Variants in PFKP observed in about 807,000 individuals in gnomAD.
PFKP encodes ATP-dependent 6-phosphofructokinase, platelet type.
Under a neutral mutation model 94.3 loss-of-function variants are expected in PFKP, and 101 were observed. The observed-to-expected ratio is 1.07, with a 90% confidence interval of 0.91 to 1.26. PFKP has a LOEUF of 1.26. Among genes scored for constraint, PFKP ranks in the 50% most tolerant of loss-of-function variants. PFKP has a pLI of 0.00. For synonymous variants in PFKP, 573 were observed against 432.6 expected (o/e 1.32, Z -4.03); for missense variants, 1,145 against 1,103.3 (o/e 1.04, Z -0.53).
rs76887485 is a variant in PFKP, at chr10:3,136,537, G to T, written c.2313G>T (p.Ser771=). ...AGTACAAGGCCAGCTATGACGTGTC[G>T]GACTCAGGCCAGCTGGAACATGTGC... is the stretch of plus-strand genomic sequence containing the variant. ...LAKYKASYDV[S]DSGQLEHVQP... The change falls in exon 22 of 22, where the codon TCG becomes TCT. Residue 771 remains serine, a synonymous_variant. Coordinates refer to ENST00000381125, the MANE Select transcript of PFKP (RefSeq NM_002627.5). 2 of 1,613,566 alleles carry T rather than the reference G, an allele frequency of 1.2e-6. No individual in the cohort carries two copies. The highest frequency in any genetic ancestry group is 8.5e-7 in the Non-Finnish European group (1 of 1,179,774).
chr10:3,124,662 C>T (rs1485362735), intron 16 of PFKP, among the ~76,000 whole-genome samples: 2 of 152,202 alleles, frequency 1.3e-5, no homozygotes, highest in Non-Finnish European at 2.9e-5. Context: ...GTGGTCCTTA[C>T]AGCCGTGTGC....
chr10:3,079,744 T>C (rs1832900166), intron 1 of PFKP, among the ~76,000 whole-genome samples: 1 of 149,212 alleles, frequency 6.7e-6, no homozygotes, highest in Admixed American at 6.8e-5. Flanking sequence ...TTCCTAGTGT[T>C]GGCACGGGCT....
At chr10:3,104,006 G>T in intron 5 of PFKP, 62 bp downstream of exon 5, 1 of 1,491,966 alleles carries the variant, frequency 6.7e-7, no homozygotes, top group Non-Finnish European at 9.2e-7. Flanking sequence ...CAGCTCAGAC[G>T]TTACCACGGG....
intron 19 of PFKP, 40 bp from the exon 20 acceptor site, chr10:3,134,442 AC>A: frequency 9.1e-7 from 1 of 1,103,568 alleles, no homozygotes; most frequent in South Asian, 1.3e-5. Flanking sequence ...GCAAAGTGTT[AC>A]TGTATAACTG....
rs199663250 is a variant in PFKP, at chr10:3,133,775, G to A, written c.2022+461G>A. Among the ~76,000 whole-genome samples, 21 of 152,298 alleles carry A rather than the reference G, an allele frequency of 1.4e-4. No homozygotes were observed. The East Asian group carries it at 3.5e-3, about 25-fold the overall frequency. ...GTGATGCCAAACATCACCAGCTTTA[G>A]GATTCTTTTGTTGGTGAGGTTTGAG... On this transcript the variant is annotated intron_variant, in intron 19 of 21. Transcript: ENST00000381125.
intron 4 of PFKP, 92 bp from the exon 5 acceptor site, chr10:3,103,687 T>C (rs1170569810): frequency 5.8e-5 from 71 of 1,227,676 alleles, no homozygotes; most frequent in Non-Finnish European, 7.9e-5. Flanking sequence ...TTGATTTCTC[T>C]ACCCATGGCC....
At chr10:3,126,745 A>G (rs913553622) in intron 16 of PFKP, among the ~76,000 whole-genome samples, 2 of 152,208 alleles carry the variant, frequency 1.3e-5, no homozygotes, top group Non-Finnish European at 2.9e-5. Flanking sequence ...ACCAATTTAT[A>G]TTTCTTAACA....
chr10:3,106,063 C>T lies in PFKP; in HGVS notation c.774+562C>T, dbSNP rs964770328. Among the ~76,000 whole-genome samples the T allele has an allele frequency of 2.6e-5, 4 of 152,204 alleles. No individual in the cohort carries two copies. In the East Asian group the frequency reaches 7.7e-4, roughly 29 times the overall value. ...GTCTGGGCCCTGTGTCCGCTCACGC[C>T]GTTTTCTCTCTCCCGACTCTCTGCT... On this transcript the variant is annotated intron_variant, in intron 7 of 21. Coordinates refer to ENST00000381125, the MANE Select transcript of PFKP (RefSeq NM_002627.5).
chr10:3,117,062 A>G (rs550859063), intron 14 of PFKP, among the ~76,000 whole-genome samples: 1 of 152,320 alleles, frequency 6.6e-6, no homozygotes, highest in South Asian at 2.1e-4. Context: ...AGAGGAGGTA[A>G]CTTGTGAATG....
chr10:3,098,300 A>G lies in PFKP; in HGVS notation c.187-975A>G, dbSNP rs569248198. 5.9e-5 allele frequency among the ~76,000 whole-genome samples: 9 copies of G among 152,278 alleles called. No homozygotes were observed. In the South Asian group the frequency reaches 1.9e-3, roughly 32 times the overall value. On this transcript the variant is annotated intron_variant, in intron 2 of 21. Transcript: ENST00000381125. The stretch of plus-strand genomic sequence containing the variant: ...ATGCTGTGGAAAGTGAGTTATGTAG[A>G]TGAAGTTACCCGTGGGCATTGCTGC...
intron 7 of PFKP, among the ~76,000 whole-genome samples, 175 bp from the exon 8 acceptor site, chr10:3,107,039 A>C (rs1297325442): frequency 1.5e-5 from 1 of 68,390 alleles, no homozygotes; most frequent in African/African-American, 6.1e-5. Context: ...GCTGTCACCC[A>C]GCACACCTTT....
chr10:3,068,723 A>G, intron 1 of PFKP: 1 of 983,526 alleles, frequency 1.0e-6, no homozygotes, highest in Non-Finnish European at 1.2e-6. Flanking sequence ...GAGTGTCCCG[A>G]TCCGTGCAAT....
At chr10:3,077,261 C>CTTTTTTTTTTTTTTTTTTTTTTTTTT (rs34485324) in intron 1 of PFKP, among the ~76,000 whole-genome samples, 17 of 84,260 alleles carry the variant, frequency 2.0e-4, no homozygotes, top group Middle Eastern at 0.013. Flanking sequence ...TTTTTTTTTT[C>CTTTTTTTTTTTTTTTTTTTTTTTTTT]TTTTTTTTTT....
intron 1 of PFKP, among the ~76,000 whole-genome samples, chr10:3,081,087 AAT>A (rs771160078): frequency 6.6e-6 from 1 of 152,154 alleles, no homozygotes; most frequent in Non-Finnish European, 1.5e-5. Flanking sequence ...AAGACTATGT[AAT>A]ATATATATAC....
chr10:3,067,928 G>A (rs926584545), intron 1 of PFKP, among the ~76,000 whole-genome samples: 4 of 152,178 alleles, frequency 2.6e-5, no homozygotes, highest in African/African-American at 7.2e-5. Context: ...TACCTGCGGG[G>A]CGGCATGAGC....
chr10:3,119,334 G>A (rs1223623468), intron 15 of PFKP, among the ~76,000 whole-genome samples: 3 of 152,170 alleles, frequency 2.0e-5, no homozygotes, highest in African/African-American at 4.8e-5. Flanking sequence ...GGCCGGGCGC[G>A]GTGGCTCACG....
chr10:3,104,975 TC>T, intron 5 of PFKP, 139 bp from the exon 6 acceptor site: 1 of 758,322 alleles, frequency 1.3e-6, no homozygotes, highest in East Asian at 2.6e-5. Context: ...GAAGCCTAGG[TC>T]CCTGCAGGCC....
intron 1 of PFKP, among the ~76,000 whole-genome samples, chr10:3,072,197 C>T (rs777183535): frequency 7.2e-5 from 11 of 152,218 alleles, no homozygotes; most frequent in Non-Finnish European, 1.3e-4. Flanking sequence ...ATCCAATATC[C>T]TCAGGTCAAT....
At chr10:3,081,030 C>T (rs1456554915) in intron 1 of PFKP, among the ~76,000 whole-genome samples, 1 of 152,166 alleles carries the variant, frequency 6.6e-6, no homozygotes, top group African/African-American at 2.4e-5. Flanking sequence ...ATCAGTAGGT[C>T]ATTCGAATTC....
Sources: allele counts gnomAD v4.1 joint callset (sites outside exome capture counted in the v4.1 genomes callset), GRCh38; gene constraint gnomAD v4.1.1; transcripts MANE v1.5; gene names NCBI Gene and HGNC (gene_info 2026-07-23, HGNC 2026-07-21).